The following CABCOCO1 variants were observed in gnomAD, a reference collection of about 807,000 sequenced individuals.
CABCOCO1 encodes ciliary-associated calcium-binding coiled-coil protein 1.
CABCOCO1 carries 28 observed loss-of-function variants against 35.7 expected under a neutral mutation model. That is an observed-to-expected ratio of 0.78 (90% CI 0.58 to 1.07). CABCOCO1 has a LOEUF of 1.07. CABCOCO1 is among the 50% of genes least tolerant of loss of function. CABCOCO1 has a pLI of 0.00. For missense variants in CABCOCO1, 326 were observed against 309.2 expected (o/e 1.05, Z -0.41); for synonymous variants, 95 against 100.1 (o/e 0.95, Z 0.30).
At chr10:61,680,180 C>T (rs546737303) in intron 2 of CABCOCO1, among the ~76,000 whole-genome samples, 4 of 150,806 alleles carry the variant, frequency 2.7e-5, no homozygotes, top group African/African-American at 7.3e-5. Context: ...GGCATGGTGG[C>T]GGGTACCTGT....
rs576131515 is a variant in CABCOCO1 at position 61,704,029 on chromosome 10, A to T, written c.552+13408A>T. Among the ~76,000 whole-genome samples, 6 of 152,156 alleles carry T rather than the reference A, an allele frequency of 3.9e-5. No homozygotes were observed. The South Asian group carries it at 1.2e-3, about 32-fold the overall frequency. On this transcript the variant is annotated intron_variant, in intron 5 of 7. Transcript: ENST00000648843. ...CCAGTAGTTCGAGACCAGCCTGGCC[A>T]ACATGGTGAAACCCCCGTCTCTATT... is the stretch of plus-strand genomic sequence containing the variant.
intron 5 of CABCOCO1, among the ~76,000 whole-genome samples, chr10:61,749,983 T>TTTC (rs1554826354): frequency 6.7e-6 from 1 of 148,328 alleles, no homozygotes; most frequent in Middle Eastern, 3.2e-3. Flanking sequence ...TTTTTTTTTT[T>TTTC]CATCATCACA....
At chr10:61,680,847 A>G (rs1839769391) in intron 2 of CABCOCO1, among the ~76,000 whole-genome samples, 1 of 150,280 alleles carries the variant, frequency 6.7e-6, no homozygotes. Flanking sequence ...AAAATATACT[A>G]GTAAAATTGC....
intron 5 of CABCOCO1, among the ~76,000 whole-genome samples, chr10:61,703,671 ACTTTAG>A (rs1840521472): frequency 1.3e-5 from 2 of 151,696 alleles, no homozygotes; most frequent in Non-Finnish European, 2.9e-5. Context: ...ATGTAATCTG[ACTTTAG>A]CTGGGCTGCC....
At chr10:61,680,389 T>G (rs1398511570) in intron 2 of CABCOCO1, among the ~76,000 whole-genome samples, 5 of 133,310 alleles carry the variant, frequency 3.8e-5, no homozygotes, top group Non-Finnish European at 7.7e-5. Flanking sequence ...ACATATAATA[T>G]ATATATTTTT....
intron 3 of CABCOCO1, among the ~76,000 whole-genome samples, chr10:61,683,327 A>T (rs1483777223): frequency 6.6e-6 from 1 of 152,162 alleles, no homozygotes; most frequent in African/African-American, 2.4e-5. Context: ...TAGGAGGCCA[A>T]GGCAAGAGGA....
chr10:61,728,926 G>A (rs753079118), intron 5 of CABCOCO1, among the ~76,000 whole-genome samples: 1 of 152,134 alleles, frequency 6.6e-6, no homozygotes, highest in Non-Finnish European at 1.5e-5. Context: ...CTACAGTCAA[G>A]ATTTTCATAG....
At chr10:61,683,592 C>T (rs1345040645) in intron 3 of CABCOCO1, among the ~76,000 whole-genome samples, 1 of 152,056 alleles carries the variant, frequency 6.6e-6, no homozygotes, top group African/African-American at 2.4e-5. Context: ...AGACTCAGGT[C>T]ACCTAACTAC....
intron 5 of CABCOCO1, among the ~76,000 whole-genome samples, chr10:61,720,914 A>ATTTTT (rs1840992456): frequency 8.8e-4 from 53 of 60,248 alleles, no homozygotes; most frequent in Non-Finnish European, 1.7e-3. Context: ...TTTTCTTTTC[A>ATTTTT]TTCTTTTTTT....
rs1369786028 is a variant in CABCOCO1, at chr10:61,690,720, G to T, written c.552+99G>T. The T allele has an allele frequency of 1.5e-5, 10 of 682,626 alleles. No individual in the cohort carries two copies. In the East Asian group the frequency reaches 2.8e-4, roughly 19 times the overall value. The allele number at this position is 682,626 out of a possible 1,614,324, so 42.3% of individuals were successfully genotyped here. On this transcript the variant is annotated intron_variant, in intron 5 of 7. Coordinates refer to ENST00000648843, the MANE Select transcript of CABCOCO1 (RefSeq NM_001366906.2). ...ACTGCTTAAAGCAACTTCTTGTCAA[G>T]ATTATTCAAGTGTTAATATAATCAA...
At chr10:61,678,966 G>C (rs570971423) in intron 2 of CABCOCO1, among the ~76,000 whole-genome samples, 1 of 152,154 alleles carries the variant, frequency 6.6e-6, no homozygotes, top group African/African-American at 2.4e-5. Flanking sequence ...CTCGACCTCA[G>C]CTTTATTTGT....
chr10:61,743,144 T>G (rs1841585923), intron 5 of CABCOCO1, among the ~76,000 whole-genome samples: 1 of 152,172 alleles, frequency 6.6e-6, no homozygotes, highest in Non-Finnish European at 1.5e-5. Flanking sequence ...AAGCAACCCT[T>G]TAATTACATT....
At chr10:61,731,770 G>C (rs372378254) in intron 5 of CABCOCO1, among the ~76,000 whole-genome samples, 1 of 139,342 alleles carries the variant, frequency 7.2e-6, no homozygotes, top group East Asian at 2.2e-4. Flanking sequence ...GAGGGAGGAA[G>C]GGAAGGAGGG....
rs754239887 is a variant in CABCOCO1, at chr10:61,690,567, G to T, written c.498G>T (p.Lys166Asn). The change falls in exon 5 of 8, where the codon AAG becomes AAT. Residue 166 changes from lysine (K) to asparagine (N), a missense_variant. Lys to Asn is a moderately conservative substitution (Grantham distance 94). Transcript: ENST00000648843. ...YLKISLFQHY[K>N]LYEFMFYSAR... The stretch of plus-strand genomic sequence containing the variant: ...ATTTCAGCTTATTTCAACACTACAA[G>T]CTATACGAGTTTATGTTCTACTCTG... 1 of 1,605,954 alleles carries T rather than the reference G, an allele frequency of 6.2e-7. No homozygotes were observed. The highest frequency in any genetic ancestry group is 1.1e-5 in the South Asian group (1 of 90,588).
chr10:61,764,939 A>G (rs941112175), intron 7 of CABCOCO1, among the ~76,000 whole-genome samples: 7 of 152,200 alleles, frequency 4.6e-5, no homozygotes, highest in African/African-American at 1.7e-4. Context: ...ACTCTTGTAA[A>G]TAAATATGAA....
chr10:61,667,221 A>G (rs1025558172), intron 1 of CABCOCO1, among the ~76,000 whole-genome samples: 12 of 147,440 alleles, frequency 8.1e-5, no homozygotes, highest in African/African-American at 3.0e-4. Context: ...TGTTTATTAT[A>G]TACATTTTTA....
chr10:61,695,568 G>A (rs1840272682), intron 5 of CABCOCO1, among the ~76,000 whole-genome samples: 1 of 151,954 alleles, frequency 6.6e-6, no homozygotes, highest in African/African-American at 2.4e-5. Context: ...CCATACCTAA[G>A]CATATTATAG....
chr10:61,754,045 C>T (rs1841847709), intron 5 of CABCOCO1, among the ~76,000 whole-genome samples: 1 of 152,086 alleles, frequency 6.6e-6, no homozygotes, highest in Admixed American at 6.6e-5. Context: ...TCAATAATAA[C>T]AGTAATTATA....
intron 5 of CABCOCO1, among the ~76,000 whole-genome samples, chr10:61,751,543 G>C (rs916653012): frequency 2.0e-5 from 3 of 152,058 alleles, no homozygotes; most frequent in Non-Finnish European, 4.4e-5. Context: ...AGCAGGTTTG[G>C]GGAAGGTAAT....
Sources: gnomAD v4.1 joint callset for allele counts (sites outside exome capture counted in the v4.1 genomes callset) on GRCh38, gnomAD v4.1.1 for gene constraint, MANE v1.5 for transcripts, NCBI Gene and HGNC (gene_info 2026-07-23, HGNC 2026-07-21) for gene names.